SHC4: variants seen among roughly 807,000 people sequenced by gnomAD.
The protein encoded by SHC4 is SHC-transforming protein 4.
SHC4 carries 41 observed loss-of-function variants against 69.4 expected under a neutral mutation model. The observed-to-expected ratio is 0.59, with a 90% CI of 0.46 to 0.77. SHC4 has a LOEUF of 0.77. SHC4 is among the 30% of genes least tolerant of loss of function. The pLI, the probability that SHC4 is intolerant of heterozygous loss-of-function variation, is 0.00. For synonymous variants in SHC4, 318 were observed against 299.3 expected (o/e 1.06, Z -0.64); for missense variants, 777 against 783.8 (o/e 0.99, Z 0.10).
In SHC4 at chr15:48,848,711, A is replaced by G. The variant is rs563068979; in HGVS notation, c.1303+2477T>C. On this transcript the variant is annotated intron_variant, in intron 9 of 11. Coordinates refer to ENST00000332408, the MANE Select transcript of SHC4 (RefSeq NM_203349.4). ...TTTGTTGGTTTAAAGAAGAAATAAAACTAAGATAATCTGCAAGACTACACT... is the reference window on the plus strand; with the variant it reads ...TTTGTTGGTTTAAAGAAGAAATAAAGCTAAGATAATCTGCAAGACTACACT... Among the ~76,000 whole-genome samples, 26 of 152,342 alleles carry G rather than the reference A, an allele frequency of 1.7e-4. No individual in the cohort carries two copies. In the East Asian group the frequency reaches 4.6e-3, roughly 27 times the overall value.
At chr15:48,959,106 T>C (rs1308978733) in intron 1 of SHC4, among the ~76,000 whole-genome samples, 1 of 152,182 alleles carries the variant, frequency 6.6e-6, no homozygotes. Context: ...AACTCTAGCT[T>C]AGCGCAGATG....
At chr15:48,895,225 T>C (rs1900203804) in intron 2 of SHC4, among the ~76,000 whole-genome samples, 1 of 152,028 alleles carries the variant, frequency 6.6e-6, no homozygotes, top group South Asian at 2.1e-4. Context: ...ATTTTACCAA[T>C]GAGGATAATA....
At chr15:48,928,834 G>A (rs778956627) in intron 1 of SHC4, among the ~76,000 whole-genome samples, 5 of 152,160 alleles carry the variant, frequency 3.3e-5, no homozygotes, top group Non-Finnish European at 7.4e-5. Flanking sequence ...TTACTCTTAC[G>A]GTGGTTATAG....
At chr15:48,922,213 T>C (rs1248125005) in intron 2 of SHC4, among the ~76,000 whole-genome samples, 2 of 152,124 alleles carry the variant, frequency 1.3e-5, no homozygotes, top group Non-Finnish European at 2.9e-5. Context: ...CCAGCAACAG[T>C]GTAAATTCCA....
intron 6 of SHC4, among the ~76,000 whole-genome samples, chr15:48,860,288 T>C (rs553734305): frequency 6.6e-5 from 10 of 151,998 alleles, no homozygotes; most frequent in Non-Finnish European, 1.3e-4. Flanking sequence ...CTGAGGCAGG[T>C]GGATCACTTG....
intron 2 of SHC4, among the ~76,000 whole-genome samples, chr15:48,917,189 G>T (rs968581741): frequency 6.6e-6 from 1 of 151,078 alleles, no homozygotes; most frequent in Non-Finnish European, 1.5e-5. Flanking sequence ...TACTTGATGT[G>T]GATGCTTACT....
chr15:48,826,323 C>G (rs1898688792), intron 11 of SHC4, among the ~76,000 whole-genome samples, 197 bp from the exon 12 acceptor site: 1 of 150,730 alleles, frequency 6.6e-6, no homozygotes, highest in Non-Finnish European at 1.5e-5. Flanking sequence ...ACGATCTCGA[C>G]TCACTGCAAC....
At chr15:48,874,244 TA>T (rs766972454) in intron 4 of SHC4, among the ~76,000 whole-genome samples, 9 of 152,112 alleles carry the variant, frequency 5.9e-5, no homozygotes, top group Non-Finnish European at 1.0e-4. Flanking sequence ...ATTCAAAGTC[TA>T]AAAATAGACT....
At chr15:48,930,604 T>C (rs1376914971) in intron 1 of SHC4, among the ~76,000 whole-genome samples, 1 of 152,172 alleles carries the variant, frequency 6.6e-6, no homozygotes, top group African/African-American at 2.4e-5. Flanking sequence ...GCCATTGCAC[T>C]CCAGCCTGGG....
At chr15:48,947,230 G>A (rs940576050) in intron 1 of SHC4, 20 of 152,092 alleles carry the variant, frequency 1.3e-4, no homozygotes, top group African/African-American at 4.6e-4. Flanking sequence ...CTCTGGCCAG[G>A]GTCATCCAGC....
chr15:48,861,717 A>AT (rs1440790315), intron 6 of SHC4, among the ~76,000 whole-genome samples: 1 of 152,128 alleles, frequency 6.6e-6, no homozygotes, highest in African/African-American at 2.4e-5. Context: ...GAAAGTCTGG[A>AT]TTTTTTTCAT....
In SHC4 at chr15:48,962,866, G is replaced by T. The variant is rs139970612; in HGVS notation, c.150C>A (p.Val50=). The T allele has an allele frequency of 6.2e-7, 1 of 1,613,100 alleles. No individual in the cohort carries two copies. The highest frequency in any genetic ancestry group is 2.2e-5 in the East Asian group (1 of 44,874). Residue 50 remains valine, a synonymous_variant, in exon 1 of 12, where the codon GTC becomes GTA. Coordinates refer to ENST00000332408, the MANE Select transcript of SHC4 (RefSeq NM_203349.4). Reference sequence around the variant, plus strand: ...GAGGCTGCGGCGAGCCCTTGTTCCCGACCGAGCCTCCGGAGCTACCTTCGT... The same window carrying T: ...GAGGCTGCGGCGAGCCCTTGTTCCCTACCGAGCCTCCGGAGCTACCTTCGT... ...SLDEGSSGGS[V]GNKGSPQPPH...
chr15:48,882,910 A>T (rs1899970056), intron 4 of SHC4, among the ~76,000 whole-genome samples: 1 of 152,224 alleles, frequency 6.6e-6, no homozygotes, highest in Non-Finnish European at 1.5e-5. Context: ...CCAAAATGTT[A>T]TGCTCTCATG....
At chr15:48,848,001 T>TA (rs571529935) in intron 9 of SHC4, among the ~76,000 whole-genome samples, 18,348 of 99,582 alleles carry the variant, frequency 0.18, 1,508 homozygotes, top group East Asian at 0.32. Context: ...AAACTCCGTC[T>TA]AAAAAAAAAA....
intron 1 of SHC4, chr15:48,946,643 G>A (rs1376675333): frequency 1.5e-5 from 14 of 965,132 alleles, no homozygotes; most frequent in Non-Finnish European, 1.5e-5. Flanking sequence ...ATTTTTCACT[G>A]GATGGCTGTT....
At chr15:48,904,940 AACACACACACACAC>A (rs71650107) in intron 2 of SHC4, among the ~76,000 whole-genome samples, 1 of 144,690 alleles carries the variant, frequency 6.9e-6, no homozygotes, top group African/African-American at 2.6e-5. Context: ...ACACAGACAC[AACACACACACACAC>A]ACACACACAC....
intron 8 of SHC4, among the ~76,000 whole-genome samples, chr15:48,853,314 C>T (rs1899250460): frequency 6.6e-6 from 1 of 152,154 alleles, no homozygotes; most frequent in Non-Finnish European, 1.5e-5. Flanking sequence ...AACAAGAAAA[C>T]ACTGCTGAAA....
chr15:48,860,468 T>C (rs1477412134), intron 6 of SHC4, among the ~76,000 whole-genome samples: 1 of 152,002 alleles, frequency 6.6e-6, no homozygotes, highest in African/African-American at 2.4e-5. Flanking sequence ...GATGGCGTCA[T>C]TGCACTCCAG....
At chr15:48,954,351 G>A (rs1028701717) in intron 1 of SHC4, among the ~76,000 whole-genome samples, 13 of 152,196 alleles carry the variant, frequency 8.5e-5, no homozygotes, top group Admixed American at 4.6e-4. Flanking sequence ...CTTCTCTGCC[G>A]CAGAATCACA....
Sources: gnomAD v4.1 joint callset for allele counts (sites outside exome capture counted in the v4.1 genomes callset) on GRCh38, gnomAD v4.1.1 for gene constraint, MANE v1.5 for transcripts, NCBI Gene and HGNC (gene_info 2026-07-23, HGNC 2026-07-21) for gene names.